Variants in GPC6 observed in about 807,000 individuals in gnomAD.
The protein encoded by GPC6 is glypican-6.
GPC6 carries 14 observed loss-of-function variants against 55.2 expected under a neutral mutation model. The ratio of observed to expected loss-of-function variants is 0.25; its 90% CI spans 0.17 to 0.40. The LOEUF (loss-of-function observed/expected upper bound fraction) is 0.40, where lower values mean the gene tolerates loss of function less well. GPC6 is among the 10% of genes least tolerant of loss of function. The pLI is 1.00. For missense variants in GPC6, 641 were observed against 708.5 expected (o/e 0.90, Z 1.08); for synonymous variants, 278 against 259.6 (o/e 1.07, Z -0.68).
At position 93,922,398 on chromosome 13, in the gene GPC6, A is replaced by C. The variant is rs189672455; in HGVS notation, c.711+91853A>C. ...TGAATTTGGTACTTGAGGACTTAAG[A>C]TTATGTAAGAAAAGGACAGTTGTTC... On this transcript the variant is annotated intron_variant, in intron 3 of 8. Coordinates refer to ENST00000377047, the MANE Select transcript of GPC6 (RefSeq NM_005708.5). 5.9e-3 allele frequency among the ~76,000 whole-genome samples: 900 copies of C among 152,336 alleles called. 4 individuals carry two copies. The highest frequency in any genetic ancestry group is 0.014 in the Middle Eastern group (4 of 294).
chr13:93,384,446 G>A (rs755521595), intron 1 of GPC6, among the ~76,000 whole-genome samples: 2 of 151,234 alleles, frequency 1.3e-5, no homozygotes, highest in Non-Finnish European at 2.9e-5. Flanking sequence ...GATTAGTAAC[G>A]TGATTGGATC....
At chr13:94,288,761 A>ATATATAAT (rs1874693678) in intron 5 of GPC6, among the ~76,000 whole-genome samples, 4 of 123,850 alleles carry the variant, frequency 3.2e-5, no homozygotes, top group Non-Finnish European at 4.9e-5. Flanking sequence ...TATATATAAT[A>ATATATAAT]AATATATATA....
rs193110606 is a variant in GPC6, at chr13:93,598,203, G to A, written c.319+52782G>A. On this transcript the variant is annotated intron_variant, in intron 2 of 8. Coordinates refer to ENST00000377047, the MANE Select transcript of GPC6 (RefSeq NM_005708.5). Reference sequence around the variant, plus strand: ...ATGTGGATTTTTTACTGTGTAAGTGGTTGGCATCTCTAACCCCCACAGTAT... The same window carrying A: ...ATGTGGATTTTTTACTGTGTAAGTGATTGGCATCTCTAACCCCCACAGTAT... 2.4e-4 allele frequency among the ~76,000 whole-genome samples: 37 copies of A among 152,198 alleles called. 1 individual carries two copies. In the South Asian group the frequency reaches 3.1e-3, roughly 13 times the overall value.
At chr13:93,654,314 C>T (rs1381561925) in intron 2 of GPC6, among the ~76,000 whole-genome samples, 1 of 151,890 alleles carries the variant, frequency 6.6e-6, no homozygotes, top group African/African-American at 2.4e-5. Context: ...AGTGCAGTGG[C>T]GCCATCTTGG....
intron 4 of GPC6, among the ~76,000 whole-genome samples, chr13:94,111,525 T>TA (rs1886250255): frequency 6.7e-6 from 1 of 150,046 alleles, no homozygotes; most frequent in African/African-American, 2.4e-5. Context: ...CTTCTTAATT[T>TA]AAAAAAACTC....
rs1881309341 is a variant in GPC6, at chr13:94,404,981, A to T, written c.*1764A>T. On this transcript the variant is annotated 3_prime_UTR_variant, in exon 9 of 9. Transcript: ENST00000377047. ...AAGTAATGTTTCAAGACACCATAGT[A>T]GGCCAGTTACATTTTAATTAACTCA... is the stretch of plus-strand genomic sequence containing the variant. 1 of 152,228 alleles carries T rather than the reference A, an allele frequency of 6.6e-6. No individual in the cohort carries two copies. The highest frequency in any genetic ancestry group is 1.5e-5 in the Non-Finnish European group (1 of 68,042). 9.4% of individuals were successfully genotyped at this position (152,228 alleles called of 1,614,324 possible).
chr13:93,461,943 A>G (rs549802171), intron 1 of GPC6, among the ~76,000 whole-genome samples: 1 of 152,320 alleles, frequency 6.6e-6, no homozygotes, highest in East Asian at 1.9e-4. Flanking sequence ...AACATGAAGG[A>G]ACATAAGAAA....
intron 1 of GPC6, among the ~76,000 whole-genome samples, chr13:93,543,018 C>T (rs1396680760): frequency 6.6e-6 from 1 of 152,124 alleles, no homozygotes; most frequent in Non-Finnish European, 1.5e-5. Context: ...CATTTTATTT[C>T]CTTCTGCTGC....
intron 1 of GPC6, among the ~76,000 whole-genome samples, chr13:93,243,262 T>C (rs937571155): frequency 6.6e-6 from 1 of 152,246 alleles, no homozygotes; most frequent in Non-Finnish European, 1.5e-5. Flanking sequence ...TTTTTGTGTA[T>C]GCTGTAGATT....
intron 1 of GPC6, among the ~76,000 whole-genome samples, chr13:93,448,835 C>T (rs918128518): frequency 1.3e-5 from 2 of 152,150 alleles, no homozygotes; most frequent in Non-Finnish European, 2.9e-5. Flanking sequence ...GAAGACATTC[C>T]TGCTTTCAAA....
intron 2 of GPC6, among the ~76,000 whole-genome samples, chr13:93,715,489 C>A (rs1566500809): frequency 6.6e-6 from 1 of 151,332 alleles, no homozygotes; most frequent in Non-Finnish European, 1.5e-5. Flanking sequence ...GGGAGGGAAG[C>A]AACGGTGGAA....
intron 2 of GPC6, among the ~76,000 whole-genome samples, chr13:93,555,670 A>G (rs1566421638): frequency 6.6e-6 from 1 of 152,296 alleles, no homozygotes; most frequent in East Asian, 1.9e-4. Flanking sequence ...ATCATAAAAA[A>G]CAGGATAAAC....
intron 4 of GPC6, among the ~76,000 whole-genome samples, chr13:94,071,326 G>A (rs917491054): frequency 6.6e-6 from 1 of 152,258 alleles, no homozygotes; most frequent in South Asian, 2.1e-4. Context: ...GTATATTATA[G>A]TCTCTTTTAG....
At chr13:94,308,663 G>T (rs1300510292) in intron 6 of GPC6, among the ~76,000 whole-genome samples, 1 of 152,310 alleles carries the variant, frequency 6.6e-6, no homozygotes, top group African/African-American at 2.4e-5. Flanking sequence ...GAAAATTGCA[G>T]TTTTACTGAT....
At chr13:93,839,352 A>G (rs1887867274) in intron 3 of GPC6, among the ~76,000 whole-genome samples, 1 of 152,114 alleles carries the variant, frequency 6.6e-6, no homozygotes, top group South Asian at 2.1e-4. Flanking sequence ...TCAATTTCAC[A>G]TTGCTCTGAC....
At chr13:93,909,276 A>G (rs180928245) in intron 3 of GPC6, among the ~76,000 whole-genome samples, 1 of 152,304 alleles carries the variant, frequency 6.6e-6, no homozygotes, top group East Asian at 1.9e-4. Flanking sequence ...TAAAACATAA[A>G]TTATAATATT....
intron 1 of GPC6, among the ~76,000 whole-genome samples, chr13:93,427,165 A>G (rs1877162876): frequency 6.6e-6 from 1 of 151,992 alleles, no homozygotes; most frequent in Non-Finnish European, 1.5e-5. Flanking sequence ...TAGGTTGCGA[A>G]AATTTTCTCC....
intron 4 of GPC6, among the ~76,000 whole-genome samples, chr13:94,075,880 G>T (rs1021416854): frequency 1.3e-5 from 2 of 151,998 alleles, no homozygotes; most frequent in Non-Finnish European, 2.9e-5. Context: ...GGACATTTGG[G>T]TTGTTATCTT....
intron 1 of GPC6, among the ~76,000 whole-genome samples, chr13:93,408,530 T>G (rs1232258303): frequency 6.6e-6 from 1 of 152,116 alleles, no homozygotes; most frequent in Non-Finnish European, 1.5e-5. Flanking sequence ...ATGAAAGCAG[T>G]GCAAAACTGA....
Sources: gnomAD v4.1 joint callset for allele counts (sites outside exome capture counted in the v4.1 genomes callset) on GRCh38, gnomAD v4.1.1 for gene constraint, MANE v1.5 for transcripts, NCBI Gene and HGNC (gene_info 2026-07-23, HGNC 2026-07-21) for gene names.